The following ARID2 variants were observed in gnomAD, a reference collection of about 807,000 sequenced individuals.
The protein encoded by ARID2 is AT-rich interaction domain 2.
ARID2 carries 32 observed loss-of-function variants against 184.6 expected under a neutral mutation model. That is an observed-to-expected ratio of 0.17 (90% confidence interval 0.13 to 0.23). ARID2 has a LOEUF of 0.23. Among genes scored for constraint, ARID2 ranks in the 10% least tolerant of loss-of-function variants. The pLI, the probability that ARID2 is intolerant of heterozygous loss-of-function variation, is 1.00. For missense variants in ARID2, 1,696 were observed against 2,197.6 expected, an observed-to-expected ratio of 0.77 and a Z score of 4.56; for synonymous variants, 836 against 772.6, an observed-to-expected ratio of 1.08 and a Z score of -1.36.
intron 3 of ARID2, among the ~76,000 whole-genome samples, chr12:45,776,957 G>GT (rs201744661): frequency 1.3e-4 from 20 of 149,568 alleles, no homozygotes; most frequent in African/African-American, 4.7e-4. Context: ...TAATTTATGT[G>GT]GTTTTTTTTT....
In ARID2 at chr12:45,905,738, C is replaced by T. The variant is rs1423096300; in HGVS notation, c.*660C>T. On this transcript the variant is annotated 3_prime_UTR_variant, in exon 21 of 21. Coordinates refer to ENST00000334344, the MANE Select transcript of ARID2 (RefSeq NM_152641.4). ...AATACCTTTCATGCCACTGCAGCCA[C>T]TGGAAATACATTCTGTGGTGTCCTA... 4.3e-5 allele frequency: 10 copies of T among 232,862 alleles called. No homozygotes were observed. Among genetic ancestry groups the T allele is most frequent in the Non-Finnish European group, 5.1e-5 (6 of 117,680 alleles). 14.4% of individuals were successfully genotyped at this position (232,862 alleles called of 1,614,324 possible). A position where few individuals can be genotyped will look rare whatever the true frequency, so the allele number is the denominator to read the frequency against.
chr12:45,754,469 A>G lies in ARID2; in HGVS notation c.284+23155A>G, dbSNP rs77943166. On this transcript the variant is annotated intron_variant, in intron 3 of 20. Coordinates refer to ENST00000334344, the MANE Select transcript of ARID2 (RefSeq NM_152641.4). ...GAATTAGATCCAGCCATGCTGATCC[A>G]TTTATAGTTCTCCAAGCATGCCAAG... Among the ~76,000 whole-genome samples the G allele has an allele frequency of 6.0e-3, 920 of 152,322 alleles. 16 individuals are homozygous for G. Among genetic ancestry groups the G allele is most frequent in the African/African-American group, 0.021 (857 of 41,584 alleles).
chr12:45,894,336 G>A (rs914228606), intron 20 of ARID2, among the ~76,000 whole-genome samples: 3 of 152,082 alleles, frequency 2.0e-5, no homozygotes, highest in African/African-American at 4.8e-5. Context: ...GTCTTGGGCC[G>A]CCTCTCTGCG....
At chr12:45,794,384 A>T (rs953914207) in intron 3 of ARID2, among the ~76,000 whole-genome samples, 1 of 152,206 alleles carries the variant, frequency 6.6e-6, no homozygotes, top group African/African-American at 2.4e-5. Flanking sequence ...TGAAGAAAAC[A>T]TCTTGCATAA....
At chr12:45,798,109 T>C (rs1253471986) in intron 3 of ARID2, among the ~76,000 whole-genome samples, 1 of 152,180 alleles carries the variant, frequency 6.6e-6, no homozygotes, top group Non-Finnish European at 1.5e-5. Flanking sequence ...TTTTACTATG[T>C]GTCACCAAAT....
intron 3 of ARID2, among the ~76,000 whole-genome samples, chr12:45,741,066 A>T (rs1186669517): frequency 6.6e-6 from 1 of 152,228 alleles, no homozygotes; most frequent in Non-Finnish European, 1.5e-5. Flanking sequence ...TAGTTTTAAC[A>T]TCCACTGATG....
intron 15 of ARID2, among the ~76,000 whole-genome samples, chr12:45,858,798 A>G (rs1277854706): frequency 6.6e-6 from 1 of 152,176 alleles, no homozygotes; most frequent in Non-Finnish European, 1.5e-5. Flanking sequence ...AAGCTGGAAA[A>G]TCCTCATCCT....
Position 45,852,502 on chromosome 12 carries a change from T to G in ARID2, c.4379T>G (p.Val1460Gly), listed in dbSNP as rs2138179262. Residue 1460 changes from valine to glycine, a missense_variant, in exon 15 of 21, where the codon GTG becomes GGG. By Grantham distance (109) the Val-to-Gly change is moderately radical. Around this residue, in one of 11 missense-constraint regions of ARID2, gnomAD observed 428 missense variants for 409.1 expected, o/e 1.05. Coordinates refer to ENST00000334344, the MANE Select transcript of ARID2 (RefSeq NM_152641.4). Reference protein sequence around the residue: ...GPLASSLNSDVPQQRPSVVVS... With the variant: ...GPLASSLNSDGPQQRPSVVVS... ...CTAGCTTCAAGTTTGAATTCAGATG[T>G]GCCTCAGCAACGCCCAAGTGTAGTT... 4 of 1,614,188 alleles carry G rather than the reference T, an allele frequency of 2.5e-6. No homozygotes were observed. Among genetic ancestry groups the G allele is most frequent in the Admixed American group, 1.7e-5 (1 of 60,026 alleles).
intron 16 of ARID2, among the ~76,000 whole-genome samples, chr12:45,877,140 C>T (rs1452742053): frequency 2.0e-5 from 3 of 151,028 alleles, no homozygotes; most frequent in Non-Finnish European, 4.4e-5. Flanking sequence ...AAGCAACATG[C>T]AATAAAATGG....
chr12:45,903,966 T>A (rs543055296), intron 20 of ARID2, among the ~76,000 whole-genome samples: 1 of 152,300 alleles, frequency 6.6e-6, no homozygotes, highest in Admixed American at 6.5e-5. Context: ...TTTAGTATAC[T>A]TGCTTTATCA....
At chr12:45,805,932 G>T (rs1257172788) in intron 3 of ARID2, among the ~76,000 whole-genome samples, 1 of 151,908 alleles carries the variant, frequency 6.6e-6, no homozygotes, top group Non-Finnish European at 1.5e-5. Context: ...TTTCCCCCTT[G>T]GTAATCACCA....
At chr12:45,771,012 A>G (rs1941865150) in intron 3 of ARID2, among the ~76,000 whole-genome samples, 2 of 152,208 alleles carry the variant, frequency 1.3e-5, no homozygotes, top group Non-Finnish European at 2.9e-5. Flanking sequence ...AAAGGAAGTT[A>G]CTTGGACTGA....
chr12:45,893,503 TGAG>T lies in ARID2; in HGVS notation c.5235_5237del (p.Arg1746del). ...CATCCCAGTGCTGCACTTATGGCTC[TGAG>T]GAGAGGATCAAGAAACCTTGTCTTT... On this transcript the variant is annotated inframe_deletion, in exon 19 of 21. Coordinates refer to ENST00000334344, the MANE Select transcript of ARID2 (RefSeq NM_152641.4). 1.2e-6 allele frequency: 2 copies of T among 1,614,028 alleles called. No homozygotes were observed. Among genetic ancestry groups the T allele is most frequent in the Non-Finnish European group, 1.7e-6 (2 of 1,179,922 alleles).
Position 45,797,094 on chromosome 12 carries a change from T to G in ARID2, c.285-14324T>G, listed in dbSNP as rs557154746. ...ATGTCATTGCTCATTTTAAAAATTA[T>G]AATATCAATCCTTTTTATAATGATT... On this transcript the variant is annotated intron_variant, in intron 3 of 20. Coordinates refer to ENST00000334344, the MANE Select transcript of ARID2 (RefSeq NM_152641.4). Among the ~76,000 whole-genome samples, 16 of 152,228 alleles carry G rather than the reference T, an allele frequency of 1.1e-4. No individual in the cohort carries two copies. In the East Asian group the frequency reaches 2.5e-3, roughly 24 times the overall value.
chr12:45,857,375 G>A (rs1943668395), intron 15 of ARID2, among the ~76,000 whole-genome samples: 1 of 152,146 alleles, frequency 6.6e-6, no homozygotes, highest in Non-Finnish European at 1.5e-5. Flanking sequence ...AGTTTAGCAA[G>A]AGCCACAAGA....
intron 6 of ARID2, among the ~76,000 whole-genome samples, chr12:45,831,770 G>A (rs1943127855): frequency 6.6e-6 from 1 of 152,094 alleles, no homozygotes; most frequent in Non-Finnish European, 1.5e-5. Context: ...AATTATGAAT[G>A]TTTATATATC....
intron 3 of ARID2, among the ~76,000 whole-genome samples, chr12:45,788,567 G>A (rs559495739): frequency 1.3e-5 from 2 of 152,048 alleles, no homozygotes; most frequent in East Asian, 1.9e-4. Flanking sequence ...AGTAGACTAC[G>A]ATTTGATTAA....
rs2138125008 is a variant in ARID2 at position 45,836,577 on chromosome 12, T to C, written c.706-12T>C. 2 of 1,599,050 alleles carry C rather than the reference T, an allele frequency of 1.3e-6. No homozygotes were observed. Among genetic ancestry groups the C allele is most frequent in the Non-Finnish European group, 1.7e-6 (2 of 1,173,336 alleles). ...TTCAAATCATGGAGAATTAAATAAT[T>C]TATCATTACAGTTTTGGAAAGACAT... is the stretch of plus-strand genomic sequence containing the variant. On this transcript the variant is annotated splice_polypyrimidine_tract_variant and intron_variant, in intron 6 of 20. Transcript: ENST00000334344.
chr12:45,837,542 G>A lies in ARID2; in HGVS notation c.1165G>A (p.Val389Ile). 6.2e-7 allele frequency: 1 copy of A among 1,614,014 alleles called. No homozygotes were observed. The highest frequency in any genetic ancestry group is 8.5e-7 in the Non-Finnish European group (1 of 1,179,968). Reference sequence around the variant, plus strand: ...TCTTTGCAAAGCAGAAGATAATGGTGTTTTAATTTGTGAATATGTGGATCA... The same window carrying A: ...TCTTTGCAAAGCAGAAGATAATGGTATTTTAATTTGTGAATATGTGGATCA... ...GNLCKAEDNG[V>I]LICEYVDQDS... The change falls in exon 10 of 21, where the codon GTT becomes ATT. Residue 389 changes from valine to isoleucine, a missense_variant. Val to Ile is a conservative substitution (Grantham distance 29, BLOSUM62 3). Transcript: ENST00000334344.
Sources: gnomAD v4.1 joint callset for allele counts (sites outside exome capture counted in the v4.1 genomes callset) on GRCh38, gnomAD v4.1.1 for gene constraint, gnomAD v4.1.1 regional missense constraint, MANE v1.5 for transcripts, NCBI Gene and HGNC (gene_info 2026-07-23, HGNC 2026-07-21) for gene names.